The following CREBBP variants were observed in gnomAD, a reference collection of about 807,000 sequenced individuals.
CREBBP encodes CREB-binding protein.
Under a neutral mutation model 265.0 loss-of-function variants are expected in CREBBP, and 19 were observed. The ratio of observed to expected loss-of-function variants is 0.07; its 90% CI spans 0.05 to 0.11. The LOEUF (loss-of-function observed/expected upper bound fraction) is 0.11. CREBBP is among the 10% of genes least tolerant of loss of function. The pLI, the probability that CREBBP is intolerant of heterozygous loss-of-function variation, is 1.00. For missense variants in CREBBP, 2,525 were observed against 3,219.0 expected, an observed-to-expected ratio of 0.78 and a Z score of 5.22; for synonymous variants, 1,457 against 1,223.7, an observed-to-expected ratio of 1.19 and a Z score of -3.98.
intron 25 of CREBBP, 92 bp downstream of exon 25, chr16:3,739,486 G>A (rs918765949): frequency 3.4e-5 from 50 of 1,468,636 alleles, no homozygotes; most frequent in Non-Finnish European, 4.5e-5. Flanking sequence ...CCCCTATGAA[G>A]GCTCACAGGC....
Position 3,728,707 on chromosome 16 carries a change from C to T in CREBBP, c.6340G>A (p.Gly2114Ser), listed in dbSNP as rs139169188. ...TGGAGGCCAGGCTGGGGCTGCATGCCGGGCTGATTGGCCACGTACTTGGCT... is the reference window on the plus strand; with the variant it reads ...TGGAGGCCAGGCTGGGGCTGCATGCTGGGCTGATTGGCCACGTACTTGGCT... The part of the protein sequence containing the change: ...RTAKYVANQP[G>S]MQPQPGLQSQ... Residue 2114 changes from glycine to serine, a missense_variant, in exon 31 of 31, where the codon GGC becomes AGC. Around this residue, in one of 19 missense-constraint regions of CREBBP, gnomAD observed 473 missense variants for 459.3 expected, o/e 1.03. Coordinates refer to ENST00000262367, the MANE Select transcript of CREBBP (RefSeq NM_004380.3). The surrounding 1 kb of genome is among the most constrained non-coding windows in gnomAD (Gnocchi z 8.7). 418 of 1,613,774 alleles carry T rather than the reference C, an allele frequency of 2.6e-4. No homozygotes were observed. Among genetic ancestry groups the T allele is most frequent in the Non-Finnish European group, 3.2e-4 (375 of 1,179,988 alleles).
At chr16:3,765,180 A>G (rs576494220) in intron 16 of CREBBP, among the ~76,000 whole-genome samples, 23 of 152,218 alleles carry the variant, frequency 1.5e-4, no homozygotes, top group Admixed American at 1.2e-3. Context: ...GTTTCACCGT[A>G]TTAGCCAGGA....
chr16:3,773,660 A>T (rs2053066620), intron 13 of CREBBP, 91 bp downstream of exon 13: 4 of 1,369,570 alleles, frequency 2.9e-6, no homozygotes, highest in Non-Finnish European at 4.0e-6. Context: ...TGGAATTTTA[A>T]TTTCCACGAA....
At chr16:3,837,983 G>C (rs1328937618) in intron 2 of CREBBP, among the ~76,000 whole-genome samples, 1 of 151,820 alleles carries the variant, frequency 6.6e-6, no homozygotes, top group Non-Finnish European at 1.5e-5. Context: ...GCCTTATACA[G>C]GTGTGTTTTA....
chr16:3,760,394 T>G (rs982720861), intron 16 of CREBBP, among the ~76,000 whole-genome samples: 4 of 83,922 alleles, frequency 4.8e-5, no homozygotes, highest in African/African-American at 3.3e-4. Context: ...TGCCCAGGTT[T>G]TTTTTTTTTT....
At position 3,767,493 on chromosome 16, in the gene CREBBP, C is replaced by T. The variant is rs61232664; in HGVS notation, c.3250+227G>A. The T allele has an allele frequency of 2.1e-3, 1,311 of 617,044 alleles. 14 individuals are homozygous for T. The African/African-American group carries it at 0.022, about 10-fold the overall frequency. 38.2% of individuals were successfully genotyped at this position (617,044 alleles called of 1,614,324 possible). Reference sequence around the variant, plus strand: ...GACAGCTCTGCAGCCTGGGTGCCCTCGGAGCAGCAGCTCATCTCTCACTCC... The same window carrying T: ...GACAGCTCTGCAGCCTGGGTGCCCTTGGAGCAGCAGCTCATCTCTCACTCC... On this transcript the variant is annotated intron_variant, in intron 16 of 30. Coordinates refer to ENST00000262367, the MANE Select transcript of CREBBP (RefSeq NM_004380.3).
intron 1 of CREBBP, among the ~76,000 whole-genome samples, chr16:3,861,921 G>A (rs1351141266): frequency 2.6e-5 from 4 of 152,126 alleles, no homozygotes; most frequent in Non-Finnish European, 5.9e-5. Flanking sequence ...TCTTGAGTAA[G>A]TCTTGCCCCT....
Position 3,782,743 on chromosome 16 carries a change from G to A in CREBBP, c.1514C>T (p.Pro505Leu), listed in dbSNP as rs369550568. ...QPQTQLQPQVPGQQPAQPQTH... is the reference protein window; with the variant it reads ...QPQTQLQPQVLGQQPAQPQTH... ...TTGAGGCTGTGCTGGTTGCTGGCCAGGAACCTGAGGCTGCAGCTGCGTCTG... is the reference window on the plus strand; with the variant it reads ...TTGAGGCTGTGCTGGTTGCTGGCCAAGAACCTGAGGCTGCAGCTGCGTCTG... The change falls in exon 6 of 31, where the codon CCT becomes CTT. Residue 505 changes from proline to leucine, a missense_variant. By Grantham distance (98) the Pro-to-Leu change is moderately conservative. Around this residue, in one of 19 missense-constraint regions of CREBBP, gnomAD observed 144 missense variants for 134.0 expected, o/e 1.07. Coordinates refer to ENST00000262367, the MANE Select transcript of CREBBP (RefSeq NM_004380.3). 186 of 1,614,078 alleles carry A rather than the reference G, an allele frequency of 1.2e-4. No homozygotes were observed. Among genetic ancestry groups the A allele is most frequent in the Non-Finnish European group, 1.4e-4 (170 of 1,180,036 alleles).
At position 3,751,618 on chromosome 16, in the gene CREBBP, AG is replaced by A. The variant is rs1404805907; in HGVS notation, c.3779+107del. 1.3e-5 allele frequency: 14 copies of A among 1,118,284 alleles called. No individual in the cohort carries two copies. In the South Asian group the frequency reaches 1.6e-4, roughly 13 times the overall value. 69.3% of individuals were successfully genotyped at this position (1,118,284 alleles called of 1,614,324 possible). On this transcript the variant is annotated intron_variant, in intron 20 of 30. Coordinates refer to ENST00000262367, the MANE Select transcript of CREBBP (RefSeq NM_004380.3). The stretch of plus-strand genomic sequence containing the variant: ...AAACAAAAAACCAAAAAACATTGCA[AG>A]GAAGTCAAAATGGCACCGGTACCTT...
At position 3,727,957 on chromosome 16, in the gene CREBBP, A is replaced by G. The variant is rs2151299345; in HGVS notation, c.7090T>C (p.Ser2364Pro). 1 of 1,606,860 alleles carries G rather than the reference A, an allele frequency of 6.2e-7. No individual in the cohort carries two copies. The highest frequency in any genetic ancestry group is 8.5e-7 in the Non-Finnish European group (1 of 1,174,942). ...GAAGGCTGGGGCTGTATCCGTGGTGACGGGCTGGAATGTGGAGGCTGGGAC... is the reference window on the plus strand; with the variant it reads ...GAAGGCTGGGGCTGTATCCGTGGTGGCGGGCTGGAATGTGGAGGCTGGGAC... Reference protein sequence around the residue: ...PQSQPPHSSPSPRIQPQPSPH... With the variant: ...PQSQPPHSSPPPRIQPQPSPH... Residue 2364 changes from serine to proline, a missense_variant, in exon 31 of 31, where the codon TCA becomes CCA. Transcript: ENST00000262367.
chr16:3,731,518 C>A lies in CREBBP; in HGVS notation c.4891-45G>T, dbSNP rs2051915927. On this transcript the variant is annotated intron_variant, in intron 29 of 30. Transcript: ENST00000262367. This position sits in a 1 kb window ranked among gnomAD's most constrained non-coding sequence, Gnocchi z 7.7. ...TTAGTCCCACACAAGGGACATGGCACCTCCAGTGGTGAGCTCAGGGCAGGC... is the reference window on the plus strand; with the variant it reads ...TTAGTCCCACACAAGGGACATGGCAACTCCAGTGGTGAGCTCAGGGCAGGC... 1.3e-6 allele frequency: 2 copies of A among 1,555,538 alleles called. No homozygotes were observed. The highest frequency in any genetic ancestry group is 1.7e-6 in the Non-Finnish European group (2 of 1,153,496).
At position 3,727,842 on chromosome 16, in the gene CREBBP, T is replaced by G. The variant is rs2151298600; in HGVS notation, c.7205A>C (p.Asn2402Thr). Residue 2402 changes from asparagine (N) to threonine (T), a missense_variant, in exon 31 of 31, where the codon AAC becomes ACC. Transcript: ENST00000262367. ...ASSIDQGHLG[N>T]PEQSAMLPQL... ...GGGGAGCATTGCACTCTGTTCGGGG[T>G]TCCCCAAGTGTCCCTGATCTATGGA... 2 of 1,614,054 alleles carry G rather than the reference T, an allele frequency of 1.2e-6. No homozygotes were observed. The highest frequency in any genetic ancestry group is 1.7e-6 in the Non-Finnish European group (2 of 1,180,022).
intron 5 of CREBBP, among the ~76,000 whole-genome samples, chr16:3,788,941 G>C (rs938417806): frequency 2.0e-5 from 3 of 152,188 alleles, no homozygotes; most frequent in African/African-American, 7.2e-5. Flanking sequence ...GACAGAGCAA[G>C]ACTCCGTCTC....
chr16:3,817,977 T>A (rs977307059), intron 2 of CREBBP, among the ~76,000 whole-genome samples: 3 of 152,170 alleles, frequency 2.0e-5, no homozygotes, highest in Non-Finnish European at 2.9e-5. Flanking sequence ...GTTCCTCATC[T>A]CACACAACCC....
At chr16:3,860,262 A>G (rs918941419) in intron 1 of CREBBP, among the ~76,000 whole-genome samples, 3 of 152,186 alleles carry the variant, frequency 2.0e-5, no homozygotes, top group African/African-American at 7.2e-5. Flanking sequence ...AGCCCTGACT[A>G]CTCAAATGCT....
Position 3,744,822 on chromosome 16 carries a change from G to T in CREBBP, c.3982+72C>A, listed in dbSNP as rs760037048. On this transcript the variant is annotated intron_variant, in intron 23 of 30. Coordinates refer to ENST00000262367, the MANE Select transcript of CREBBP (RefSeq NM_004380.3). ...GAACCATGTGTTGAGAGGAACCAAA[G>T]AACAATGGGGACAATTTCTACAAGT... 255 of 1,212,964 alleles carry T rather than the reference G, an allele frequency of 2.1e-4. 1 individual carries two copies. The African/African-American group carries it at 3.2e-3, about 15-fold the overall frequency. 75.1% of individuals were successfully genotyped at this position (1,212,964 alleles called of 1,614,324 possible).
chr16:3,727,757 G>A lies in CREBBP; in HGVS notation c.7290C>T (p.Thr2430=), dbSNP rs1596780214. Residue 2430 remains threonine (T), a synonymous_variant, in exon 31 of 31, where the codon ACC becomes ACT. Coordinates refer to ENST00000262367, the MANE Select transcript of CREBBP (RefSeq NM_004380.3). ...LSSELSLVGD[T]TGDTLEKFVE... ...CAAACTTCTCTAGCGTGTCCCCCGT[G>A]GTGTCCCCGACCAGGGACAGTTCGC... 1.9e-6 allele frequency: 3 copies of A among 1,614,074 alleles called. No homozygotes were observed. The highest frequency in any genetic ancestry group is 1.7e-6 in the Non-Finnish European group (2 of 1,180,010).
intron 3 of CREBBP, among the ~76,000 whole-genome samples, chr16:3,800,794 T>C (rs574766258): frequency 6.6e-5 from 10 of 152,254 alleles, no homozygotes; most frequent in African/African-American, 2.2e-4. Context: ...GCGACTCCAA[T>C]GCAGGAGAAG....
chr16:3,801,752 T>C (rs112116341), intron 3 of CREBBP, among the ~76,000 whole-genome samples: 61 of 152,346 alleles, frequency 4.0e-4, no homozygotes, highest in Admixed American at 5.2e-4. Flanking sequence ...TGGCTTTTGA[T>C]GGAAAGCACT....
Sources: gnomAD v4.1 joint callset for allele counts (sites outside exome capture counted in the v4.1 genomes callset) on GRCh38, gnomAD v4.1.1 for gene constraint, gnomAD v4.1.1 regional missense constraint, Gnocchi (gnomAD v3.1) non-coding constraint, MANE v1.5 for transcripts, NCBI Gene and HGNC (gene_info 2026-07-23, HGNC 2026-07-21) for gene names.